Variants in APC2 observed in about 807,000 individuals in gnomAD.
APC2 encodes the protein adenomatous polyposis coli protein 2.
In APC2, 41 loss-of-function variants were observed where a neutral mutation model predicts 72.5. The ratio of observed to expected loss-of-function variants is 0.57; its 90% CI spans 0.44 to 0.73. The LOEUF is 0.73. Ranked by LOEUF, APC2 falls within the 30% of genes least tolerant of loss-of-function variation. APC2 has a pLI of 0.00. For missense variants in APC2, 3,729 were observed against 3,403.4 expected (o/e 1.10, Z -2.38); for synonymous variants, 1,898 against 1,612.0 (o/e 1.18, Z -4.25).
rs1037759594 is a variant in APC2 at position 1,470,284 on chromosome 19, C to T, written c.*71C>T. 6 of 1,454,178 alleles carry T rather than the reference C, an allele frequency of 4.1e-6. No individual in the cohort carries two copies. Among genetic ancestry groups the T allele is most frequent in the Non-Finnish European group, 4.5e-6 (5 of 1,104,282 alleles). 90.1% of individuals were successfully genotyped at this position (1,454,178 alleles called of 1,614,324 possible). ...GCGGTCTGGCTGCCCCATGGGCCTG[C>T]GCTGTAGACGTCCCCCATAGGTCGC... On this transcript the variant is annotated 3_prime_UTR_variant, in exon 15 of 15. Transcript: ENST00000590469.
At position 1,453,356 on chromosome 19, in the gene APC2, C is replaced by T. The variant is rs769100787; in HGVS notation, c.232+19C>T. The T allele has an allele frequency of 1.2e-5, 20 of 1,611,150 alleles. No individual in the cohort carries two copies. Among genetic ancestry groups the T allele is most frequent in the Non-Finnish European group, 1.6e-5 (19 of 1,179,202 alleles). On this transcript the variant is annotated intron_variant, in intron 3 of 14. Coordinates refer to ENST00000590469, the MANE Select transcript of APC2 (RefSeq NM_005883.3). ...CTGAAGGGTGAGCGGTGGGGCCACC[C>T]GCAGAGGGAGTGGGGGAGGCTGGGG...
Position 1,452,804 on chromosome 19 carries a change from A to C in APC2, c.-18-180A>C. 2.8e-6 allele frequency: 2 copies of C among 703,774 alleles called. No homozygotes were observed. The highest frequency in any genetic ancestry group is 4.5e-6 in the Non-Finnish European group (2 of 440,438). The allele number at this position is 703,774 out of a possible 1,614,324, so 43.6% of individuals were successfully genotyped here. On this transcript the variant is annotated intron_variant, in intron 1 of 14. Transcript: ENST00000590469. This position sits in a 1 kb window ranked among gnomAD's most constrained non-coding sequence, Gnocchi z 5.1. The stretch of plus-strand genomic sequence containing the variant: ...CTCCACCTGCCCCTCTGCGCCCCGG[A>C]TTGCCTGGCCACCACCACGTGGGCC...
chr19:1,470,040 G>A lies in APC2; in HGVS notation c.6739G>A (p.Glu2247Lys). Reference protein sequence around the residue: ...KAPISAPFVHEGLGVAVGGFP... With the variant: ...KAPISAPFVHKGLGVAVGGFP... ...TCCCATCTCCGCACCCTTCGTGCAC[G>A]AGGGCCTGGGGGTCGCCGTGGGGGG... The change falls in exon 15 of 15, where the codon GAG (glutamate) becomes AAG (lysine). Residue 2247 changes from glutamate to lysine, a missense_variant. Transcript: ENST00000590469. The A allele has an allele frequency of 2.5e-6, 4 of 1,570,640 alleles. No homozygotes were observed. The highest frequency in any genetic ancestry group is 3.4e-6 in the Non-Finnish European group (4 of 1,163,640).
rs565322444 is a variant in APC2 at position 1,455,500 on chromosome 19, G to A, written c.639G>A (p.Gln213=). 3 of 1,598,556 alleles carry A rather than the reference G, an allele frequency of 1.9e-6. No homozygotes were observed. The East Asian group carries it at 6.8e-5, about 36-fold the overall frequency. ...GTSDEMVQRA[Q]IRASRLEQID... ...CGGACGAGATGGTGCAGCGGGCACA[G>A]GTGCGGCGGTGGGCGGGGTGGCGCG... The change falls in exon 6 of 15, where the codon CAG becomes CAA. Residue 213 remains glutamine, a splice_region_variant and synonymous_variant. Transcript: ENST00000590469.
Position 1,467,472 on chromosome 19 carries a change from G to A in APC2, c.4171G>A (p.Asp1391Asn). The change falls in exon 15 of 15, where the codon GAC becomes AAC. Residue 1391 changes from aspartate to asparagine, a missense_variant. Asp to Asn is a conservative substitution (Grantham distance 23). Coordinates refer to ENST00000590469, the MANE Select transcript of APC2 (RefSeq NM_005883.3). The part of the protein sequence containing the change: ...APAQEDDSCT[D>N]SAEGTPVNFS... ...GGCCCAGGAGGACGACTCCTGCACT[G>A]ACTCCGCGGAGGGCACGCCGGTCAA... The A allele has an allele frequency of 6.9e-7, 1 of 1,459,228 alleles. No individual in the cohort carries two copies. The allele number at this position is 1,459,228 out of a possible 1,614,324, so 90.4% of individuals were successfully genotyped here. A position where few individuals can be genotyped will look rare whatever the true frequency, so the allele number is the denominator to read the frequency against.
chr19:1,450,205 G>A lies in APC2; in HGVS notation c.-152G>A, dbSNP rs11538419. On this transcript the variant is annotated 5_prime_UTR_variant, in exon 1 of 15. Coordinates refer to ENST00000590469, the MANE Select transcript of APC2 (RefSeq NM_005883.3). ...TTTGTCCGCCCCGGAGCCCCTGCCC[G>A]CGCCGCGGAGACCCCGGAGCCCGCG... 2 of 985,008 alleles carry A rather than the reference G, an allele frequency of 2.0e-6. No individual in the cohort carries two copies. The highest frequency in any genetic ancestry group is 1.1e-4 in the East Asian group (1 of 8,780). The allele number at this position is 985,008 out of a possible 1,614,324, so 61.0% of individuals were successfully genotyped here. A position where few individuals can be genotyped will look rare whatever the true frequency, so the allele number is the denominator to read the frequency against.
chr19:1,468,872 G>GC lies in APC2; in HGVS notation c.5577dup (p.Arg1860GlnfsTer293). On this transcript the variant is annotated frameshift_variant, in exon 15 of 15. Transcript: ENST00000590469. LOFTEE classifies it low-confidence loss of function (END_TRUNC). ...CCTCGGAGCTGGCGACGCTGAGCCAGCCCCCCAGAAGCGCCACACCGCCCG... is the reference window on the plus strand; with the variant it reads ...CCTCGGAGCTGGCGACGCTGAGCCAGCCCCCCCAGAAGCGCCACACCGCCCG... The GC allele has an allele frequency of 1.3e-6, 2 of 1,542,334 alleles. No individual in the cohort carries two copies. The highest frequency in any genetic ancestry group is 1.8e-5 in the Admixed American group (1 of 54,126).
Position 1,467,569 on chromosome 19 carries a change from C to G in APC2, c.4268C>G (p.Ala1423Gly), listed in dbSNP as rs565588972. 1.3e-6 allele frequency: 2 copies of G among 1,510,692 alleles called. No homozygotes were observed. The highest frequency in any genetic ancestry group is 2.9e-5 in the African/African-American group (2 of 69,898). The allele number at this position is 1,510,692 out of a possible 1,614,324, so 93.6% of individuals were successfully genotyped here. A position where few individuals can be genotyped will look rare whatever the true frequency, so the allele number is the denominator to read the frequency against. The change falls in exon 15 of 15, where the codon GCG becomes GGG. Residue 1423 changes from alanine (A) to glycine (G), a missense_variant. By Grantham distance (60) the Ala-to-Gly change is moderately conservative (BLOSUM62 0). Transcript: ENST00000590469. ...CCCAGGGACCAGCCCGGGGGACCAG[C>G]GGGCAGGCAAAGACCCACCGGCCGC... Reference protein sequence around the residue: ...GPPRDQPGGPAGRQRPTGRPT... With the variant: ...GPPRDQPGGPGGRQRPTGRPT...
chr19:1,464,632 C>CTTTT (rs1010096440), intron 14 of APC2, among the ~76,000 whole-genome samples: 15 of 123,714 alleles, frequency 1.2e-4, no homozygotes, highest in African/African-American at 4.4e-4. Flanking sequence ...CTGTTTTTTC[C>CTTTT]TTTTTTTTTT....
chr19:1,466,133 C>T lies in APC2; in HGVS notation c.2832C>T (p.Pro944=). 6.4e-7 allele frequency: 1 copy of T among 1,565,806 alleles called. No individual in the cohort carries two copies. Among genetic ancestry groups the T allele is most frequent in the Non-Finnish European group, 8.6e-7 (1 of 1,166,380 alleles). The change falls in exon 15 of 15, where the codon CCC becomes CCT. Residue 944 remains proline (P), a synonymous_variant. Coordinates refer to ENST00000590469, the MANE Select transcript of APC2 (RefSeq NM_005883.3). ...DGYCPREHML[P]CPLAALASRR... is the part of the protein sequence containing the mutation. ...ACTGCCCACGCGAACATATGCTGCC[C>T]TGCCCGCTGGCCGCACTGGCTTCGC...
chr19:1,469,882 A>C lies in APC2; in HGVS notation c.6581A>C (p.Glu2194Ala). The change falls in exon 15 of 15, where the codon GAG becomes GCG. Residue 2194 changes from glutamate (E) to alanine (A), a missense_variant. By Grantham distance (107) the Glu-to-Ala change is moderately radical. Coordinates refer to ENST00000590469, the MANE Select transcript of APC2 (RefSeq NM_005883.3). ...RKTSDAVVQT[E>A]EVAAPKTNSS... ...ACCAGCGACGCCGTGGTCCAGACCG[A>C]GGAGGTCGCCGCCCCCAAGACCAAC... The C allele has an allele frequency of 6.6e-7, 1 of 1,523,316 alleles. No homozygotes were observed. The highest frequency in any genetic ancestry group is 8.8e-7 in the Non-Finnish European group (1 of 1,142,166). 94.4% of individuals were successfully genotyped at this position (1,523,316 alleles called of 1,614,324 possible).
chr19:1,464,377 T>A (rs1220278203), intron 14 of APC2, among the ~76,000 whole-genome samples: 1 of 151,890 alleles, frequency 6.6e-6, no homozygotes, highest in Non-Finnish European at 1.5e-5. Context: ...AATATTTACA[T>A]GTTATTTATG....
chr19:1,460,426 C>A, intron 11 of APC2, 106 bp downstream of exon 11: 1 of 1,499,662 alleles, frequency 6.7e-7, no homozygotes, highest in Non-Finnish European at 9.1e-7. Flanking sequence ...AGAGCTGGGG[C>A]CACTTGTCCC....
chr19:1,466,491 C>A lies in APC2; in HGVS notation c.3190C>A (p.Pro1064Thr), dbSNP rs760887119. Residue 1064 changes from proline to threonine, a missense_variant, in exon 15 of 15, where the codon CCA becomes ACA. Pro to Thr is a conservative substitution (Grantham distance 38). Transcript: ENST00000590469. ...ALQKLAAQEGPLSLSRCSSLS... is the reference protein window; with the variant it reads ...ALQKLAAQEGTLSLSRCSSLS... The stretch of plus-strand genomic sequence containing the variant: ...GCAGAAACTGGCGGCGCAAGAGGGG[C>A]CACTCTCGCTGTCCCGATGCAGCTC... 1 of 1,597,560 alleles carries A rather than the reference C, an allele frequency of 6.3e-7. No homozygotes were observed. Among genetic ancestry groups the A allele is most frequent in the South Asian group, 1.1e-5 (1 of 90,850 alleles).
At chr19:1,455,874 T>TG (rs776712545) in intron 6 of APC2, among the ~76,000 whole-genome samples, 4 of 90,638 alleles carry the variant, frequency 4.4e-5, no homozygotes, top group East Asian at 7.0e-4. Flanking sequence ...AGACAGTGGG[T>TG]GGGGTCATAT....
chr19:1,463,460 G>A (rs1327706923), intron 14 of APC2, among the ~76,000 whole-genome samples: 1 of 150,502 alleles, frequency 6.6e-6, no homozygotes, highest in Admixed American at 6.6e-5. Flanking sequence ...GCTCATGCCT[G>A]TAATTCCAGC....
chr19:1,449,968 G>T (rs567287867), upstream of APC2, among the ~76,000 whole-genome samples: 4 of 152,182 alleles, frequency 2.6e-5, no homozygotes, highest in South Asian at 4.1e-4. Flanking sequence ...CCGCACTCAC[G>T]GCCCCTGAGC....
At chr19:1,464,568 T>C (rs570512384) in intron 14 of APC2, among the ~76,000 whole-genome samples, 192 of 151,232 alleles carry the variant, frequency 1.3e-3, no homozygotes, top group African/African-American at 4.4e-3. Flanking sequence ...AAAAGATAGA[T>C]ATAGACAGAA....
chr19:1,465,139 C>T lies in APC2; in HGVS notation c.1854-16C>T, dbSNP rs1211078370. ...GGGTGGGGGGTGGCCCAGGCTAACC[C>T]GCCCTGTGCCTACAGGCAGGTGCTC... On this transcript the variant is annotated splice_polypyrimidine_tract_variant and intron_variant, in intron 14 of 14. Transcript: ENST00000590469. The T allele has an allele frequency of 6.9e-6, 11 of 1,587,964 alleles. No homozygotes were observed. The highest frequency in any genetic ancestry group is 4.6e-5 in the East Asian group (2 of 43,312).
Sources: allele counts gnomAD v4.1 joint callset (sites outside exome capture counted in the v4.1 genomes callset), GRCh38; gene constraint gnomAD v4.1.1; non-coding constraint Gnocchi (gnomAD v3.1); transcripts MANE v1.5; gene names NCBI Gene and HGNC (gene_info 2026-07-23, HGNC 2026-07-21).